ZNF644: variants seen among roughly 807,000 people sequenced by gnomAD.
ZNF644 encodes zinc finger protein 644, also known as zinc finger motif enhancer binding protein 2.
A neutral mutation model predicts 108.0 loss-of-function variants in ZNF644; 20 were observed. The observed-to-expected ratio is 0.19, with a 90% CI of 0.13 to 0.27. ZNF644 has a LOEUF of 0.27. Ranked by LOEUF, ZNF644 falls within the 10% of genes least tolerant of loss-of-function variation. The pLI is 1.00. For missense variants in ZNF644, 1,338 were observed against 1,548.9 expected (o/e 0.86, Z 2.29); for synonymous variants, 542 against 539.1 (o/e 1.01, Z -0.08).
chr1:90,937,749 A>T lies in ZNF644; in HGVS notation c.3424T>A (p.Ser1142Thr). 1 of 1,613,840 alleles carries T rather than the reference A, an allele frequency of 6.2e-7. No homozygotes were observed. The highest frequency in any genetic ancestry group is 1.3e-5 in the African/African-American group (1 of 75,020). ...LKTEALSVSA[S>T]EEEGLNFLNE... The stretch of plus-strand genomic sequence containing the variant: ...AAGAAATTCAGCCCTTCTTCTTCTG[A>T]TGCAGACACTGACAGAGCTTCAGTC... Residue 1142 changes from serine to threonine, a missense_variant, in exon 4 of 6, where the codon TCA becomes ACA. Around this residue, in one of 6 missense-constraint regions of ZNF644, gnomAD observed 287 missense variants for 310.9 expected, o/e 0.92. Coordinates refer to ENST00000337393, the MANE Select transcript of ZNF644 (RefSeq NM_201269.3).
At position 90,938,002 on chromosome 1, in the gene ZNF644, A is replaced by T. The variant is rs1412133548; in HGVS notation, c.3171T>A (p.Val1057=). The T allele has an allele frequency of 6.2e-7, 1 of 1,611,550 alleles. No homozygotes were observed. The highest frequency in any genetic ancestry group is 1.7e-5 in the Admixed American group (1 of 59,994). ...TTCCAAGTCTTTTCAAGTGGCCTCT[A>T]ACATGATTTGATAATCCAATTTTAG... The part of the protein sequence containing the change: ...FDTKIGLSNH[V]RGHLKRLGKT... Residue 1057 remains valine (V), a synonymous_variant, in exon 4 of 6, where the codon GTT becomes GTA. Transcript: ENST00000337393. The surrounding 1 kb of genome is among the most constrained non-coding windows in gnomAD (Gnocchi z 4.2).
At position 90,941,002 on chromosome 1, in the gene ZNF644, C is replaced by T. The variant is rs1447213051; in HGVS notation, c.352G>A (p.Gly118Arg). 2.5e-6 allele frequency: 4 copies of T among 1,613,938 alleles called. No homozygotes were observed. The highest frequency in any genetic ancestry group is 3.4e-6 in the Non-Finnish European group (4 of 1,179,972). The change falls in exon 3 of 6, where the codon GGA (glycine) becomes AGA (arginine). Residue 118 changes from glycine to arginine, a missense_variant. Gly to Arg is a moderately radical substitution (Grantham distance 125). Around this residue, in one of 6 missense-constraint regions of ZNF644, gnomAD observed 464 missense variants for 457.9 expected, o/e 1.01. Coordinates refer to ENST00000337393, the MANE Select transcript of ZNF644 (RefSeq NM_201269.3). ...GTTAAGGAGGAGTGTGAAACTGGTC[C>T]ATTAACAGCAGCTCCTTTAGGCAAG... ...FILPKGAAVN[G>R]PVSHSSLTKT...
At chr1:90,985,051 A>G (rs1656956165) in intron 1 of ZNF644, among the ~76,000 whole-genome samples, 1 of 152,180 alleles carries the variant, frequency 6.6e-6, no homozygotes, top group South Asian at 2.1e-4. Context: ...ACTTTGACTT[A>G]AGCTGTTTAA....
chr1:90,986,094 G>A (rs1328909976), intron 1 of ZNF644, among the ~76,000 whole-genome samples: 1 of 151,810 alleles, frequency 6.6e-6, no homozygotes, highest in Non-Finnish European at 1.5e-5. Flanking sequence ...AAGTGGGAGG[G>A]GGTACAAAAA....
intron 2 of ZNF644, among the ~76,000 whole-genome samples, chr1:90,979,113 A>C (rs588613): frequency 0.013 from 2,014 of 152,264 alleles, 44 homozygotes; most frequent in African/African-American, 0.046. Context: ...TTTCAAACAC[A>C]GAAAAAAAAA....
chr1:90,955,089 C>T (rs887780541), intron 2 of ZNF644, among the ~76,000 whole-genome samples: 3 of 152,186 alleles, frequency 2.0e-5, no homozygotes, highest in Non-Finnish European at 4.4e-5. Context: ...ACATCTCCAT[C>T]AGAGATCTTG....
In ZNF644 at chr1:90,950,334, G is replaced by GAAAAC. The variant is rs1431133853; in HGVS notation, c.45-9026_45-9025insGTTTT. ...CAAAAGAAAAGAAAACAAAAGAAAA[G>GAAAAC]AAAAGAAAAGAAAAGAAAAGAAATA... On this transcript the variant is annotated intron_variant, in intron 2 of 5. Transcript: ENST00000337393. Among the ~76,000 whole-genome samples the GAAAAC allele has an allele frequency of 1.5e-4, 15 of 102,512 alleles. No homozygotes were observed. The East Asian group carries it at 1.9e-3, about 13-fold the overall frequency. 67.3% of individuals were successfully genotyped at this position (102,512 alleles called of 152,430 possible). A position where few individuals can be genotyped will look rare whatever the true frequency, so the allele number is the denominator to read the frequency against.
intron 2 of ZNF644, among the ~76,000 whole-genome samples, chr1:90,941,622 C>T (rs1244679835): frequency 1.3e-5 from 2 of 152,080 alleles, no homozygotes; most frequent in African/African-American, 4.8e-5. Context: ...CATGTATACA[C>T]AGACTCAAAA....
intron 4 of ZNF644, among the ~76,000 whole-genome samples, chr1:90,932,185 CA>C (rs2100879069): frequency 6.6e-6 from 1 of 152,274 alleles, no homozygotes; most frequent in Non-Finnish European, 1.5e-5. Context: ...TTTCTTCCCT[CA>C]AAAGGTCACC....
intron 4 of ZNF644, among the ~76,000 whole-genome samples, chr1:90,932,322 T>C (rs1311637415): frequency 6.6e-6 from 1 of 152,028 alleles, no homozygotes; most frequent in Non-Finnish European, 1.5e-5. Flanking sequence ...TATTCAAGAG[T>C]GGACCACACA....
At chr1:90,956,486 T>C (rs1653767236) in intron 2 of ZNF644, among the ~76,000 whole-genome samples, 1 of 152,088 alleles carries the variant, frequency 6.6e-6, no homozygotes, top group Non-Finnish European at 1.5e-5. Context: ...TGGCCAATCT[T>C]GACACAAATG....
intron 2 of ZNF644, chr1:90,973,073 C>T (rs1309985508): frequency 1.3e-5 from 2 of 151,380 alleles, no homozygotes; most frequent in Non-Finnish European, 1.5e-5. Flanking sequence ...CTCAACTGTA[C>T]ACTTAAAAAT....
At chr1:90,984,931 T>C (rs1656942655) in intron 1 of ZNF644, among the ~76,000 whole-genome samples, 1 of 152,202 alleles carries the variant, frequency 6.6e-6, no homozygotes, top group Non-Finnish European at 1.5e-5. Context: ...ACAAACGATA[T>C]AAACATACTT....
At chr1:90,950,339 G>GAAAAGAAAAGAA (rs1653011524) in intron 2 of ZNF644, among the ~76,000 whole-genome samples, 1 of 146,320 alleles carries the variant, frequency 6.8e-6, no homozygotes, top group Non-Finnish European at 1.5e-5. Context: ...GAAAAGAAAA[G>GAAAAGAAAAGAA]AAAAGAAAAG....
At chr1:90,942,722 A>G (rs1652119769) in intron 2 of ZNF644, among the ~76,000 whole-genome samples, 1 of 152,210 alleles carries the variant, frequency 6.6e-6, no homozygotes, top group South Asian at 2.1e-4. Flanking sequence ...AGTAATTATA[A>G]TAAGGTCCTC....
At chr1:90,941,514 G>C (rs1651987671) in intron 2 of ZNF644, among the ~76,000 whole-genome samples, 2 of 152,034 alleles carry the variant, frequency 1.3e-5, no homozygotes, top group Non-Finnish European at 2.9e-5. Context: ...CTTCATGCTA[G>C]GCAACAACAA....
chr1:90,943,263 T>A (rs1570393487), intron 2 of ZNF644, among the ~76,000 whole-genome samples: 1 of 151,838 alleles, frequency 6.6e-6, no homozygotes. Flanking sequence ...AACATGGTGA[T>A]ACCCCGTCTC....
intron 4 of ZNF644, among the ~76,000 whole-genome samples, chr1:90,931,896 C>T (rs1173217060): frequency 6.6e-6 from 1 of 152,114 alleles, no homozygotes; most frequent in African/African-American, 2.4e-5. Flanking sequence ...TCTCTCCTTT[C>T]TCAATTTGCC....
intron 1 of ZNF644, among the ~76,000 whole-genome samples, chr1:90,992,054 T>G (rs10157553): frequency 6.6e-5 from 10 of 151,426 alleles, no homozygotes; most frequent in Non-Finnish European, 1.3e-4. Flanking sequence ...ACAAAAAGAG[T>G]ACATACTGCA....
Sources: allele counts gnomAD v4.1 joint callset (sites outside exome capture counted in the v4.1 genomes callset), GRCh38; gene constraint gnomAD v4.1.1; regional missense constraint gnomAD v4.1.1; non-coding constraint Gnocchi (gnomAD v3.1); transcripts MANE v1.5; gene names NCBI Gene and HGNC (gene_info 2026-07-23, HGNC 2026-07-21).